The following CD247 variants were observed in gnomAD, a reference collection of about 807,000 sequenced individuals.
The protein encoded by CD247 is CD247 molecule, also known as T-cell surface glycoprotein CD3 zeta chain.
In CD247, 13 loss-of-function variants were observed where a neutral mutation model predicts 30.0. The ratio of observed to expected loss-of-function variants is 0.43; its 90% CI spans 0.28 to 0.69. CD247 has a LOEUF of 0.69. Ranked by LOEUF, CD247 falls within the 30% of genes least tolerant of loss-of-function variation. CD247 has a pLI of 0.16. For missense variants in CD247, 193 were observed against 212.6 expected (o/e 0.91, Z 0.57); for synonymous variants, 72 against 80.0 (o/e 0.90, Z 0.53).
At chr1:167,495,093 C>T (rs1440252667) in intron 1 of CD247, among the ~76,000 whole-genome samples, 1 of 152,230 alleles carries the variant, frequency 6.6e-6, no homozygotes, top group African/African-American at 2.4e-5. Context: ...CTTAGGTGAA[C>T]TTTCAAAGTC....
chr1:167,447,974 G>C (rs1156962310), intron 1 of CD247, among the ~76,000 whole-genome samples: 1 of 142,594 alleles, frequency 7.0e-6, no homozygotes, highest in Admixed American at 6.9e-5. Context: ...GGGTGGGGGG[G>C]TGGGGGCGGT....
intron 1 of CD247, among the ~76,000 whole-genome samples, chr1:167,517,872 T>C (rs1234584391): frequency 1.3e-5 from 2 of 152,156 alleles, no homozygotes; most frequent in East Asian, 3.9e-4. Context: ...CCTCTCCTCC[T>C]TGGTTACCCC....
intron 1 of CD247, among the ~76,000 whole-genome samples, chr1:167,484,575 G>C (rs527871295): frequency 4.9e-4 from 74 of 152,180 alleles, no homozygotes; most frequent in Middle Eastern, 3.2e-3. Flanking sequence ...TCAGGAGTTC[G>C]AGACCAGCCT....
intron 1 of CD247, among the ~76,000 whole-genome samples, chr1:167,443,176 G>A (rs1032984330): frequency 1.3e-5 from 2 of 152,198 alleles, no homozygotes; most frequent in Non-Finnish European, 2.9e-5. Flanking sequence ...CAACTCCTCA[G>A]GACTCAGATG....
At chr1:167,437,953 A>T (rs1651625635) in intron 4 of CD247, among the ~76,000 whole-genome samples, 1 of 152,202 alleles carries the variant, frequency 6.6e-6, no homozygotes, top group South Asian at 2.1e-4. Context: ...TTCAAAAATC[A>T]TAACAATACT....
intron 1 of CD247, among the ~76,000 whole-genome samples, chr1:167,514,812 C>T (rs1655532786): frequency 6.6e-6 from 1 of 152,122 alleles, no homozygotes; most frequent in Non-Finnish European, 1.5e-5. Flanking sequence ...TCCCAAAGTG[C>T]GTGTTTGGAC....
At chr1:167,491,413 A>G (rs1654444765) in intron 1 of CD247, among the ~76,000 whole-genome samples, 1 of 152,142 alleles carries the variant, frequency 6.6e-6, no homozygotes. Flanking sequence ...TACTAAAAAT[A>G]CAAAATTAGC....
At chr1:167,444,799 G>T (rs1337300797) in intron 1 of CD247, among the ~76,000 whole-genome samples, 1 of 152,080 alleles carries the variant, frequency 6.6e-6, no homozygotes, top group Non-Finnish European at 1.5e-5. Context: ...TTAAAGCTTT[G>T]GTCCTTCTTA....
chr1:167,495,169 T>C (rs1156541933), intron 1 of CD247, among the ~76,000 whole-genome samples: 1 of 152,184 alleles, frequency 6.6e-6, no homozygotes, highest in Non-Finnish European at 1.5e-5. Flanking sequence ...AGTGAGACAG[T>C]CCTGGGTTTA....
At chr1:167,439,299 A>T (rs1308259542) in intron 3 of CD247, 45 bp downstream of exon 3, 3 of 1,573,712 alleles carry the variant, frequency 1.9e-6, no homozygotes, top group Non-Finnish European at 2.6e-6. Flanking sequence ...TCCGAGGAGG[A>T]GGCTGCCCTT....
At chr1:167,505,044 ATAT>A (rs1372841430) in intron 1 of CD247, among the ~76,000 whole-genome samples, 13 of 152,372 alleles carry the variant, frequency 8.5e-5, no homozygotes, top group African/African-American at 2.9e-4. Context: ...CTATATTTAC[ATAT>A]TATTATAATA....
At chr1:167,462,461 C>T (rs759299266) in intron 1 of CD247, among the ~76,000 whole-genome samples, 3 of 152,354 alleles carry the variant, frequency 2.0e-5, no homozygotes, top group African/African-American at 2.4e-5. Context: ...GAAGTCACAA[C>T]CCAGGTTGGG....
chr1:167,468,533 A>T (rs999545682), intron 1 of CD247, among the ~76,000 whole-genome samples: 5 of 152,146 alleles, frequency 3.3e-5, no homozygotes, highest in African/African-American at 1.2e-4. Flanking sequence ...GTTTAATTCG[A>T]AGACTCCTCA....
At chr1:167,441,287 C>T (rs1651810252) in intron 1 of CD247, among the ~76,000 whole-genome samples, 1 of 152,174 alleles carries the variant, frequency 6.6e-6, no homozygotes, top group Admixed American at 6.5e-5. Context: ...TAACTCTCCC[C>T]CAACTCCCTG....
rs767969358 is a variant in CD247, at chr1:167,449,157, T to TTTTTCTTTTTTTC, written c.59-8391_59-8390insGAAAAAAAGAAAA. Among the ~76,000 whole-genome samples, 168 of 23,546 alleles carry TTTTTCTTTTTTTC rather than the reference T, an allele frequency of 7.1e-3. 4 individuals carry two copies. In the East Asian group the frequency reaches 0.078, roughly 11 times the overall value. 15.4% of individuals were successfully genotyped at this position (23,546 alleles called of 152,430 possible). On this transcript the variant is annotated intron_variant, in intron 1 of 7. Coordinates refer to ENST00000362089, the MANE Select transcript of CD247 (RefSeq NM_198053.3). ...GTGATCATTTTTCTTTTCTTTTTTT[T>TTTTTCTTTTTTTC]TTTTTTTTTTTTTGAGACAGAGTCT... is the stretch of plus-strand genomic sequence containing the variant.
At chr1:167,459,821 T>C (rs753050716) in intron 1 of CD247, 5 of 152,240 alleles carry the variant, frequency 3.3e-5, no homozygotes, top group Non-Finnish European at 5.9e-5. Context: ...TCAGATGCTC[T>C]GTAGTTCTTG....
intron 1 of CD247, among the ~76,000 whole-genome samples, chr1:167,512,634 A>G (rs1240720126): frequency 1.3e-5 from 2 of 152,254 alleles, no homozygotes; most frequent in African/African-American, 4.8e-5. Context: ...TTGCATTGGG[A>G]AAATGATATT....
chr1:167,434,694 G>A (rs1254440924), intron 5 of CD247: 2 of 429,770 alleles, frequency 4.7e-6, no homozygotes, highest in Non-Finnish European at 9.3e-6. Context: ...TGACCTTGCT[G>A]TGTCCCCCTA....
chr1:167,504,165 A>G (rs1655023356), intron 1 of CD247, among the ~76,000 whole-genome samples: 1 of 152,156 alleles, frequency 6.6e-6, no homozygotes, highest in South Asian at 2.1e-4. Context: ...ATGGACCCCC[A>G]GGGCTGAATT....
Sources: gnomAD v4.1 joint callset for allele counts (sites outside exome capture counted in the v4.1 genomes callset) on GRCh38, gnomAD v4.1.1 for gene constraint, MANE v1.5 for transcripts, NCBI Gene and HGNC (gene_info 2026-07-23, HGNC 2026-07-21) for gene names.